The following CCM2 variants were observed in gnomAD, a reference collection of about 807,000 sequenced individuals.
CCM2 encodes CCM2 scaffold protein, also known as cerebral cavernous malformations 2 protein.
CCM2 carries 25 observed loss-of-function variants against 44.9 expected under a neutral mutation model. That is an observed-to-expected ratio of 0.56 (90% CI 0.41 to 0.78). The LOEUF (loss-of-function observed/expected upper bound fraction) is 0.78. CCM2 is among the 30% of genes least tolerant of loss of function. CCM2 has a pLI of 0.00. For synonymous variants in CCM2, 219 were observed against 241.1 expected, an observed-to-expected ratio of 0.91 and a Z score of 0.85; for missense variants, 481 against 580.6, an observed-to-expected ratio of 0.83 and a Z score of 1.76.
At chr7:45,034,277 T>C (rs1797105501) in intron 1 of CCM2, among the ~76,000 whole-genome samples, 1 of 151,978 alleles carries the variant, frequency 6.6e-6, no homozygotes, top group African/African-American at 2.4e-5. Context: ...AATGGTGTGA[T>C]CTCAGCTCAC....
chr7:45,051,248 A>G (rs79138962), intron 2 of CCM2, among the ~76,000 whole-genome samples: 1,701 of 152,174 alleles, frequency 0.011, 28 homozygotes, highest in African/African-American at 0.038. Flanking sequence ...CATTCCACCC[A>G]CTGGGGACAT....
intron 1 of CCM2, among the ~76,000 whole-genome samples, chr7:45,024,085 A>T (rs796748290): frequency 7.2e-5 from 11 of 152,294 alleles, no homozygotes; most frequent in African/African-American, 2.6e-4. Context: ...TGCTGGGATT[A>T]CAGGCATGAG....
chr7:45,068,318 C>G (rs1798884019), intron 4 of CCM2, 125 bp from the exon 5 acceptor site: 2 of 1,257,796 alleles, frequency 1.6e-6, no homozygotes, highest in Admixed American at 1.7e-5. Context: ...CTGAGTCGTT[C>G]TGTGGGTGCC....
chr7:45,062,564 G>C (rs528632653), intron 2 of CCM2, among the ~76,000 whole-genome samples: 2 of 152,220 alleles, frequency 1.3e-5, no homozygotes, highest in African/African-American at 2.4e-5. Context: ...GCTGTGCATG[G>C]TGCCTCACAC....
intron 1 of CCM2, among the ~76,000 whole-genome samples, chr7:45,033,565 A>G (rs943939749): frequency 6.6e-6 from 1 of 152,212 alleles, no homozygotes; most frequent in Non-Finnish European, 1.5e-5. Flanking sequence ...TGACACAGCT[A>G]GTTATCATTT....
chr7:45,015,681 A>G (rs1054325367), intron 1 of CCM2, among the ~76,000 whole-genome samples: 1 of 152,158 alleles, frequency 6.6e-6, no homozygotes, highest in East Asian at 1.9e-4. Context: ...ATCCTATGGC[A>G]TGTGTGCCAG....
At chr7:45,067,454 C>T (rs1227173881) in intron 4 of CCM2, among the ~76,000 whole-genome samples, 1 of 152,092 alleles carries the variant, frequency 6.6e-6, no homozygotes, top group Non-Finnish European at 1.5e-5. Flanking sequence ...TGAGCCACTG[C>T]GCCTGGCCAA....
At chr7:45,056,801 G>T (rs560208265) in intron 2 of CCM2, among the ~76,000 whole-genome samples, 1 of 152,064 alleles carries the variant, frequency 6.6e-6, no homozygotes, top group Non-Finnish European at 1.5e-5. Flanking sequence ...ATTCTTTGGC[G>T]CACAAAAGTG....
intron 1 of CCM2, among the ~76,000 whole-genome samples, chr7:45,033,792 A>G (rs1200795374): frequency 1.0e-5 from 1 of 98,612 alleles, no homozygotes; most frequent in East Asian, 3.2e-4. Flanking sequence ...TACACATTTG[A>G]AAAGTAATTC....
chr7:45,048,689 G>A (rs1457540371), intron 2 of CCM2, among the ~76,000 whole-genome samples: 1 of 152,076 alleles, frequency 6.6e-6, no homozygotes, highest in Non-Finnish European at 1.5e-5. Flanking sequence ...CTTGAACCCA[G>A]GAGGTGAAGG....
chr7:45,014,757 G>C (rs1387208974), intron 1 of CCM2, among the ~76,000 whole-genome samples: 2 of 151,852 alleles, frequency 1.3e-5, no homozygotes, highest in African/African-American at 4.8e-5. Flanking sequence ...CAGTAGCTGG[G>C]ATCACAGGCG....
intron 2 of CCM2, among the ~76,000 whole-genome samples, chr7:45,041,369 C>A (rs937232921): frequency 6.6e-6 from 1 of 152,122 alleles, no homozygotes; most frequent in African/African-American, 2.4e-5. Context: ...ATCTAAAATC[C>A]TTGGACACTA....
chr7:45,067,615 T>C (rs1798846190), intron 4 of CCM2: 2 of 152,364 alleles, frequency 1.3e-5, no homozygotes, highest in Non-Finnish European at 2.9e-5. Context: ...CACATTTCAA[T>C]GTGGGCTCAT....
intron 8 of CCM2, 21 bp downstream of exon 8, chr7:45,073,592 C>T (rs758394270): frequency 1.6e-5 from 24 of 1,544,600 alleles, no homozygotes; most frequent in East Asian, 9.0e-5. Context: ...GCTGCAGGGA[C>T]GCTGGGCTGC....
In CCM2 at chr7:45,042,119, C is replaced by A. The variant is rs187512219; in HGVS notation, c.204+3693C>A. ...TGAAACCCCATCTCTACTAGAAATA[C>A]AAAAATTAGCCAGTTGTGGTGGCAC... On this transcript the variant is annotated intron_variant, in intron 2 of 9. Coordinates refer to ENST00000258781, the MANE Select transcript of CCM2 (RefSeq NM_031443.4). 9.4e-3 allele frequency among the ~76,000 whole-genome samples: 1,430 copies of A among 152,106 alleles called. 22 individuals carry two copies. The highest frequency in any genetic ancestry group is 0.051 in the Middle Eastern group (15 of 294).
intron 1 of CCM2, among the ~76,000 whole-genome samples, chr7:45,025,010 T>C (rs1020767028): frequency 2.0e-5 from 3 of 152,210 alleles, no homozygotes; most frequent in Non-Finnish European, 4.4e-5. Context: ...TGGACCCAGC[T>C]TCTGTGGCCT....
At chr7:45,055,965 T>C (rs997710540) in intron 2 of CCM2, among the ~76,000 whole-genome samples, 2 of 152,246 alleles carry the variant, frequency 1.3e-5, no homozygotes, top group Non-Finnish European at 2.9e-5. Context: ...CTTATTTCGC[T>C]TAGCACAGTG....
intron 9 of CCM2, among the ~76,000 whole-genome samples, chr7:45,075,344 G>T (rs1464060947): frequency 2.6e-5 from 4 of 152,252 alleles, no homozygotes; most frequent in African/African-American, 9.6e-5. Flanking sequence ...CTGGACTTTG[G>T]CATGAGGCCT....
chr7:45,005,923 G>A (rs1004493596), intron 1 of CCM2, among the ~76,000 whole-genome samples: 1 of 152,220 alleles, frequency 6.6e-6, no homozygotes, highest in African/African-American at 2.4e-5. Context: ...GTTGGGTGTT[G>A]GTTCTGTATG....
Sources: allele counts gnomAD v4.1 joint callset (sites outside exome capture counted in the v4.1 genomes callset), GRCh38; gene constraint gnomAD v4.1.1; transcripts MANE v1.5; gene names NCBI Gene and HGNC (gene_info 2026-07-23, HGNC 2026-07-21).